The following STYXL1 variants were observed in gnomAD, a reference collection of about 807,000 sequenced individuals.
STYXL1 encodes the protein serine/threonine/tyrosine-interacting-like protein 1.
In STYXL1, 32 loss-of-function variants were observed where a neutral mutation model predicts 36.4. The observed-to-expected ratio is 0.88, with a 90% CI of 0.66 to 1.18. STYXL1 has a LOEUF of 1.18. Among genes scored for constraint, STYXL1 ranks in the 50% most tolerant of loss-of-function variants. The pLI is 0.00. For missense variants in STYXL1, 354 were observed against 394.1 expected, an observed-to-expected ratio of 0.90 and a Z score of 0.86; for synonymous variants, 133 against 144.1, an observed-to-expected ratio of 0.92 and a Z score of 0.55.
At chr7:76,044,806 T>C (rs1189780404) in intron 1 of STYXL1, 1 of 152,200 alleles carries the variant, frequency 6.6e-6, no homozygotes, top group African/African-American at 2.4e-5. Context: ...AGCGATTGTT[T>C]CATGTCAGCC....
At chr7:76,005,526 CG>C (rs1791558957) in intron 5 of STYXL1, 122 bp from the exon 6 acceptor site, 1 of 903,700 alleles carries the variant, frequency 1.1e-6, no homozygotes, top group Non-Finnish European at 1.7e-6. Context: ...GTGAATGTGA[CG>C]GAGATCCAGA....
At chr7:76,006,793 A>G (rs1353773126) in intron 5 of STYXL1, among the ~76,000 whole-genome samples, 1 of 151,522 alleles carries the variant, frequency 6.6e-6, no homozygotes, top group African/African-American at 2.4e-5. Context: ...CAAAACAACA[A>G]CAACAACAAC....
At chr7:76,046,327 TGTGTGTGTGTGTGCGCGC>T (rs1228772115) in intron 1 of STYXL1, among the ~76,000 whole-genome samples, 180 of 13,600 alleles carry the variant, frequency 0.013, no homozygotes, top group South Asian at 0.022. Context: ...TGTGTGTGTG[TGTGTGTGTGTGTGCGCGC>T]GCGCGCGCGC....
rs1475936862 is a variant in STYXL1, at chr7:76,035,922, C to G, written c.-4-5395G>C. Among the ~76,000 whole-genome samples the G allele has an allele frequency of 1.3e-5, 2 of 149,726 alleles. 1 individual carries two copies. The highest frequency in any genetic ancestry group is 3.0e-5 in the Non-Finnish European group (2 of 67,012). On this transcript the variant is annotated intron_variant, in intron 1 of 8. Coordinates refer to ENST00000359697, the MANE Select transcript of STYXL1 (RefSeq NM_001317785.2). ...TCTACCTGGTCAAGCAGGAACTGCC[C>G]CTCATCCACTGGTAAAGTGCTGGAA...
At chr7:76,034,482 C>T (rs1455708315) in intron 1 of STYXL1, among the ~76,000 whole-genome samples, 1 of 152,200 alleles carries the variant, frequency 6.6e-6, no homozygotes, top group Non-Finnish European at 1.5e-5. Context: ...AGACACTCTC[C>T]CCTCCCAAGA....
intron 4 of STYXL1, among the ~76,000 whole-genome samples, chr7:76,021,109 G>A (rs1440601144): frequency 7.5e-5 from 11 of 146,854 alleles, no homozygotes; most frequent in South Asian, 2.1e-4. Flanking sequence ...AAGGAGTCTC[G>A]CTCTGTCGCC....
chr7:76,016,151 T>C (rs1218967484), intron 4 of STYXL1, among the ~76,000 whole-genome samples: 2 of 152,008 alleles, frequency 1.3e-5, no homozygotes, highest in Non-Finnish European at 2.9e-5. Context: ...TGTACATGTA[T>C]AGATATAAGT....
At chr7:76,032,281 C>A (rs1268951781) in intron 1 of STYXL1, among the ~76,000 whole-genome samples, 2 of 151,284 alleles carry the variant, frequency 1.3e-5, no homozygotes, top group Non-Finnish European at 2.9e-5. Flanking sequence ...ATGCCTGTGG[C>A]CCCAGCAACT....
chr7:76,009,936 C>T (rs1738690751), intron 5 of STYXL1, among the ~76,000 whole-genome samples: 1 of 152,100 alleles, frequency 6.6e-6, no homozygotes, highest in African/African-American at 2.4e-5. Context: ...CGCCTTCTTC[C>T]CAATGTGACT....
chr7:76,001,058 G>A (rs536590415), intron 7 of STYXL1, 56 bp from the exon 8 acceptor site: 1 of 1,431,462 alleles, frequency 7.0e-7, no homozygotes, highest in Non-Finnish European at 9.9e-7. Context: ...TGTGGGCCTG[G>A]GTTGCTGTCA....
chr7:76,020,179 TC>T (rs1352644940), intron 4 of STYXL1, among the ~76,000 whole-genome samples: 1 of 152,084 alleles, frequency 6.6e-6, no homozygotes, highest in African/African-American at 2.4e-5. Flanking sequence ...TAGCCTACAG[TC>T]CTAGGATTGC....
At chr7:76,001,849 A>C (rs1423279464) in intron 7 of STYXL1, among the ~76,000 whole-genome samples, 2 of 129,824 alleles carry the variant, frequency 1.5e-5, no homozygotes, top group African/African-American at 3.0e-5. Context: ...TATGTTGTTC[A>C]GGCTGGTCTT....
Position 76,006,032 on chromosome 7 carries a change from C to T in STYXL1, c.454-628G>A, listed in dbSNP as rs548088983. Among the ~76,000 whole-genome samples the T allele has an allele frequency of 3.3e-5, 5 of 152,200 alleles. No homozygotes were observed. In the South Asian group the frequency reaches 8.3e-4, roughly 25 times the overall value. ...TCGGCTGCCCAAAGTGCTAGGATTA[C>T]AGGCGTGAGCCACTGTGCTCAACCC... On this transcript the variant is annotated intron_variant, in intron 5 of 8. Coordinates refer to ENST00000359697, the MANE Select transcript of STYXL1 (RefSeq NM_001317785.2).
intron 1 of STYXL1, among the ~76,000 whole-genome samples, chr7:76,041,177 C>CA (rs112341556): frequency 0.027 from 2,351 of 85,654 alleles, 15 homozygotes; most frequent in Non-Finnish European, 0.03. Context: ...CCCCCATCTC[C>CA]AAAAAAAAAA....
chr7:76,029,249 C>G (rs1039815805), intron 2 of STYXL1, among the ~76,000 whole-genome samples: 1 of 152,074 alleles, frequency 6.6e-6, no homozygotes, highest in Admixed American at 6.5e-5. Context: ...TGGGTTCAAG[C>G]GATTTTCCTG....
rs782382360 is a variant in STYXL1, at chr7:76,021,902, T to C, written c.256A>G (p.Ile86Val). ...VYDNNSSTLE[I>V]LLKDDDDDSD... ...TCATCATCATCATCTTTTAAGAGTA[T>C]CTCCAGGGTGCTGCTGTTGTTATCA... Residue 86 changes from isoleucine (I) to valine (V), a missense_variant, in exon 4 of 9, where the codon ATA (isoleucine) becomes GTA (valine). Physicochemically the swap from Ile to Val is conservative, Grantham distance 29. Coordinates refer to ENST00000359697, the MANE Select transcript of STYXL1 (RefSeq NM_001317785.2). 7 of 1,613,732 alleles carry C rather than the reference T, an allele frequency of 4.3e-6. No individual in the cohort carries two copies. The Admixed American group carries it at 1.2e-4, about 27-fold the overall frequency.
intron 4 of STYXL1, among the ~76,000 whole-genome samples, chr7:76,021,470 G>A (rs1418911148): frequency 5.3e-5 from 8 of 152,064 alleles, no homozygotes; most frequent in African/African-American, 1.2e-4. Flanking sequence ...TTCAGGTCCC[G>A]CGTACTGATG....
At chr7:76,028,517 A>G (rs1471339943) in intron 3 of STYXL1, 125 bp downstream of exon 3, 1 of 834,770 alleles carries the variant, frequency 1.2e-6, no homozygotes, top group Non-Finnish European at 2.0e-6. Context: ...GAAGACCACC[A>G]CGGTGGGCAC....
chr7:76,044,400 T>G (rs1032778751), intron 1 of STYXL1: 3 of 152,266 alleles, frequency 2.0e-5, no homozygotes, highest in Admixed American at 2.0e-4. Flanking sequence ...TCCTCCCACC[T>G]TGGCCTTCCA....
Sources: allele counts gnomAD v4.1 joint callset (sites outside exome capture counted in the v4.1 genomes callset), GRCh38; gene constraint gnomAD v4.1.1; transcripts MANE v1.5; gene names NCBI Gene and HGNC (gene_info 2026-07-23, HGNC 2026-07-21).